Variants in LRRC75A observed in about 807,000 individuals in gnomAD.
LRRC75A encodes the protein leucine rich repeat containing 75A.
Under a neutral mutation model 26.0 loss-of-function variants are expected in LRRC75A, and 12 were observed. That is an observed-to-expected ratio of 0.46 (90% CI 0.30 to 0.75). LRRC75A has a LOEUF of 0.75. LRRC75A is among the 30% of genes least tolerant of loss of function. LRRC75A has a pLI of 0.08. For synonymous variants in LRRC75A, 223 were observed against 219.3 expected, an observed-to-expected ratio of 1.02 and a Z score of -0.15; for missense variants, 410 against 486.6, an observed-to-expected ratio of 0.84 and a Z score of 1.48.
chr17:16,491,684 C>G lies in LRRC75A; in HGVS notation c.246+61G>C, dbSNP rs1459852295. 4 of 1,188,886 alleles carry G rather than the reference C, an allele frequency of 3.4e-6. No individual in the cohort carries two copies. The highest frequency in any genetic ancestry group is 4.3e-6 in the Non-Finnish European group (4 of 939,980). 73.6% of individuals were successfully genotyped at this position (1,188,886 alleles called of 1,614,324 possible). A position where few individuals can be genotyped will look rare whatever the true frequency, so the allele number is the denominator to read the frequency against. On this transcript the variant is annotated intron_variant, in intron 1 of 3. Transcript: ENST00000470794. The surrounding 1 kb of genome is among the most constrained non-coding windows in gnomAD (Gnocchi z 5.9). ...CTTCCTCGGTTAGGGATGGGGCGCC[C>G]CCCCCGGCCCAGCACGCCCCCTGGC...
chr17:16,474,820 C>T (rs1268097410), intron 1 of LRRC75A, among the ~76,000 whole-genome samples: 2 of 151,562 alleles, frequency 1.3e-5, no homozygotes, highest in South Asian at 2.1e-4. Context: ...GGTGAAACCC[C>T]GTCTCTATTG....
intron 2 of LRRC75A, among the ~76,000 whole-genome samples, chr17:16,452,439 T>G (rs2093640454): frequency 6.6e-6 from 1 of 151,654 alleles, no homozygotes; most frequent in Non-Finnish European, 1.5e-5. Context: ...GGGATTTTTT[T>G]TTTTTTCTTT....
chr17:16,458,295 A>G (rs1190247565), intron 2 of LRRC75A, among the ~76,000 whole-genome samples: 11 of 152,092 alleles, frequency 7.2e-5, no homozygotes, highest in Admixed American at 6.6e-4. Flanking sequence ...TGATACAGCG[A>G]GACTCTGTCA....
chr17:16,449,963 A>T (rs896831044), intron 2 of LRRC75A, among the ~76,000 whole-genome samples: 1 of 152,136 alleles, frequency 6.6e-6, no homozygotes, highest in Non-Finnish European at 1.5e-5. Context: ...TCAGATGGAG[A>T]AAGAAAACGT....
intron 1 of LRRC75A, among the ~76,000 whole-genome samples, chr17:16,476,969 A>C (rs1467330506): frequency 6.7e-6 from 1 of 150,240 alleles, no homozygotes; most frequent in Non-Finnish European, 1.5e-5. Context: ...CAATCTCCTG[A>C]CCTTGTGATC....
chr17:16,445,138 C>A, intron 3 of LRRC75A, among the ~76,000 whole-genome samples: 1 of 146,220 alleles, frequency 6.8e-6, no homozygotes, highest in Non-Finnish European at 1.5e-5. Flanking sequence ...CATGAGCCAA[C>A]ACGCCTGGCC....
At chr17:16,452,491 G>A (rs2093641028) in intron 2 of LRRC75A, among the ~76,000 whole-genome samples, 1 of 151,674 alleles carries the variant, frequency 6.6e-6, no homozygotes, top group Non-Finnish European at 1.5e-5. Flanking sequence ...AGGCTGGAGT[G>A]CAGTGGCGCG....
intron 1 of LRRC75A, among the ~76,000 whole-genome samples, chr17:16,480,640 A>C (rs542194599): frequency 7.3e-5 from 11 of 150,640 alleles, no homozygotes; most frequent in African/African-American, 1.7e-4. Flanking sequence ...AAAAAAAAAA[A>C]AACAAAAAAA....
At chr17:16,467,631 G>A (rs772705856) in intron 1 of LRRC75A, among the ~76,000 whole-genome samples, 12 of 152,260 alleles carry the variant, frequency 7.9e-5, no homozygotes, top group East Asian at 7.7e-4. Context: ...GCAAAATATC[G>A]CAGACTTGGC....
At chr17:16,444,317 C>T (rs568567328) in intron 3 of LRRC75A, among the ~76,000 whole-genome samples, 186 bp from the exon 4 acceptor site, 4 of 152,340 alleles carry the variant, frequency 2.6e-5, no homozygotes, top group African/African-American at 7.2e-5. Flanking sequence ...CACTGCCGCA[C>T]GTCTCAGCTG....
chr17:16,473,484 G>A (rs917722984), intron 1 of LRRC75A, among the ~76,000 whole-genome samples: 1 of 152,188 alleles, frequency 6.6e-6, no homozygotes, highest in African/African-American at 2.4e-5. Context: ...AGGGCACCCT[G>A]GCTTGGTGCC....
chr17:16,472,666 C>T (rs1040475135), intron 1 of LRRC75A, among the ~76,000 whole-genome samples: 1 of 152,112 alleles, frequency 6.6e-6, no homozygotes, highest in African/African-American at 2.4e-5. Flanking sequence ...GAGAATTAGG[C>T]GTATCAGAGT....
intron 1 of LRRC75A, among the ~76,000 whole-genome samples, chr17:16,484,627 G>C (rs2093842225): frequency 6.6e-6 from 1 of 152,156 alleles, no homozygotes; most frequent in Admixed American, 6.5e-5. Context: ...ATCCGGCAGA[G>C]GAACAAGAGT....
chr17:16,459,267 T>A lies in LRRC75A; in HGVS notation c.375+2991A>T, dbSNP rs761852063. Reference sequence around the variant, plus strand: ...TAAGCAAGGTAATTTCAGAGACCAGTAAGTAAAACAGAGAAACGAATGGAA... The same window carrying A: ...TAAGCAAGGTAATTTCAGAGACCAGAAAGTAAAACAGAGAAACGAATGGAA... On this transcript the variant is annotated intron_variant, in intron 2 of 3. Transcript: ENST00000470794. Among the ~76,000 whole-genome samples the A allele has an allele frequency of 1.9e-4, 29 of 152,132 alleles. 1 individual carries two copies. The highest frequency in any genetic ancestry group is 3.8e-4 in the Non-Finnish European group (26 of 67,998).
intron 3 of LRRC75A, among the ~76,000 whole-genome samples, chr17:16,445,050 T>A (rs2093570265): frequency 6.6e-6 from 1 of 150,944 alleles, no homozygotes; most frequent in East Asian, 2.0e-4. Context: ...GGTTTCACCA[T>A]GTTGGCCAGA....
At chr17:16,473,083 T>G (rs535940278) in intron 1 of LRRC75A, among the ~76,000 whole-genome samples, 37 of 152,250 alleles carry the variant, frequency 2.4e-4, no homozygotes, top group African/African-American at 8.2e-4. Flanking sequence ...AATTTCCACT[T>G]CAATATATAT....
At chr17:16,448,584 G>A (rs2093605880) in intron 2 of LRRC75A, among the ~76,000 whole-genome samples, 2 of 152,170 alleles carry the variant, frequency 1.3e-5, no homozygotes, top group East Asian at 1.9e-4. Flanking sequence ...ACTGTATCCC[G>A]CTGACAATCA....
intron 1 of LRRC75A, among the ~76,000 whole-genome samples, chr17:16,475,168 G>A (rs1601192776): frequency 6.6e-6 from 1 of 152,188 alleles, no homozygotes; most frequent in East Asian, 1.9e-4. Context: ...AAAAGCTGGG[G>A]GCTGGAAGGT....
intron 1 of LRRC75A, among the ~76,000 whole-genome samples, chr17:16,489,748 G>A (rs1189397426): frequency 1.3e-5 from 2 of 152,236 alleles, no homozygotes; most frequent in Admixed American, 6.5e-5. Context: ...GGCAGCTCCA[G>A]GCCCACGGCC....
Sources: gnomAD v4.1 joint callset for allele counts (sites outside exome capture counted in the v4.1 genomes callset) on GRCh38, gnomAD v4.1.1 for gene constraint, Gnocchi (gnomAD v3.1) non-coding constraint, MANE v1.5 for transcripts, NCBI Gene and HGNC (gene_info 2026-07-23, HGNC 2026-07-21) for gene names.